Variants in CACNA1E observed in about 807,000 individuals in gnomAD.
The protein encoded by CACNA1E is calcium voltage-gated channel subunit alpha1 E, also known as voltage-dependent R-type calcium channel subunit alpha-1E.
CACNA1E carries 40 observed loss-of-function variants against 259.2 expected under a neutral mutation model. The observed-to-expected ratio is 0.15, with a 90% confidence interval of 0.12 to 0.20. The LOEUF is 0.20. CACNA1E is among the 10% of genes least tolerant of loss of function. The pLI, the probability that CACNA1E is intolerant of heterozygous loss-of-function variation, is 1.00. For missense variants in CACNA1E, 1,874 were observed against 3,040.1 expected, an observed-to-expected ratio of 0.62 and a Z score of 9.02; for synonymous variants, 1,104 against 1,138.5, an observed-to-expected ratio of 0.97 and a Z score of 0.61.
In CACNA1E at chr1:181,355,587, C is replaced by CAAACAAAACA. The variant is rs142997966; in HGVS notation, c.-15+37502_-15+37511dup. On this transcript the variant is annotated intron_variant, in intron 1 of 11. Transcript: ENST00000524607. ...TGGGTGACAGAGTGAGACTCCATCT[C>CAAACAAAACA]AAACAAAACAAAACAAAACAAAACA... is the stretch of plus-strand genomic sequence containing the variant. 1.0e-3 allele frequency among the ~76,000 whole-genome samples: 154 copies of CAAACAAAACA among 148,612 alleles called. 1 individual carries two copies. The highest frequency in any genetic ancestry group is 3.4e-3 in the African/African-American group (135 of 40,236).
intron 7 of CACNA1E, among the ~76,000 whole-genome samples, chr1:181,658,183 T>A (rs1360257860): frequency 6.6e-6 from 1 of 152,156 alleles, no homozygotes; most frequent in African/African-American, 2.4e-5. Context: ...CCAGCATAGG[T>A]TTGAGTTGTG....
In CACNA1E at chr1:181,718,511, C is replaced by T. The variant is rs534708118; in HGVS notation, c.1638+344C>T. On this transcript the variant is annotated intron_variant, in intron 12 of 47. Coordinates refer to ENST00000367573, the MANE Select transcript of CACNA1E (RefSeq NM_001205293.3). ...GGGGAAGCCTGAAAAGGACAAAGGA[C>T]TTGATTTTAGAGGTGGTTCCATAGG... Among the ~76,000 whole-genome samples the T allele has an allele frequency of 2.0e-5, 3 of 151,854 alleles. No homozygotes were observed. In the South Asian group the frequency reaches 6.3e-4, roughly 32 times the overall value.
At chr1:181,681,736 G>A (rs1649993739) in intron 7 of CACNA1E, among the ~76,000 whole-genome samples, 1 of 152,210 alleles carries the variant, frequency 6.6e-6, no homozygotes, top group African/African-American at 2.4e-5. Flanking sequence ...CCTACCAGCT[G>A]TGAGTAAGTT....
chr1:181,615,881 A>G (rs1431495041), intron 6 of CACNA1E, among the ~76,000 whole-genome samples: 1 of 152,188 alleles, frequency 6.6e-6, no homozygotes, highest in Non-Finnish European at 1.5e-5. Flanking sequence ...TTTTTTATAG[A>G]CACCCTTTTT....
chr1:181,478,993 A>T (rs1663050921), upstream of CACNA1E, among the ~76,000 whole-genome samples: 1 of 152,224 alleles, frequency 6.6e-6, no homozygotes, highest in Non-Finnish European at 1.5e-5. Flanking sequence ...TGCAGGATAA[A>T]TGCTTTGAAA....
At chr1:181,614,966 T>C (rs775977872) in intron 6 of CACNA1E, among the ~76,000 whole-genome samples, 4 of 152,178 alleles carry the variant, frequency 2.6e-5, no homozygotes, top group Non-Finnish European at 5.9e-5. Context: ...TGTTCAAGGA[T>C]CAGTTGTATG....
At chr1:181,770,577 C>G (rs1202062127) in intron 35 of CACNA1E, among the ~76,000 whole-genome samples, 1 of 152,200 alleles carries the variant, frequency 6.6e-6, no homozygotes, top group Non-Finnish European at 1.5e-5. Flanking sequence ...CCGACTTTCT[C>G]CATCCTATTG....
intron 6 of CACNA1E, among the ~76,000 whole-genome samples, chr1:181,642,674 C>T (rs1439707918): frequency 6.6e-6 from 1 of 152,196 alleles, no homozygotes; most frequent in African/African-American, 2.4e-5. Flanking sequence ...CACCACTGGG[C>T]ACGTTCTCTT....
chr1:181,634,848 C>T (rs1657061858), intron 6 of CACNA1E, among the ~76,000 whole-genome samples: 1 of 152,192 alleles, frequency 6.6e-6, no homozygotes, highest in Non-Finnish European at 1.5e-5. Context: ...TGGAGTAACC[C>T]ATCCCTGCTC....
chr1:181,411,890 G>A (rs540331414), intron 1 of CACNA1E, among the ~76,000 whole-genome samples: 8 of 152,366 alleles, frequency 5.3e-5, no homozygotes, highest in Admixed American at 3.3e-4. Context: ...GATTATAGGC[G>A]TGAGCCACTG....
intron 3 of CACNA1E, among the ~76,000 whole-genome samples, chr1:181,547,801 T>C (rs1257973707): frequency 2.6e-5 from 4 of 152,266 alleles, no homozygotes; most frequent in East Asian, 1.9e-4. Context: ...GTTCCACACA[T>C]TGAGCCCTTT....
At chr1:181,337,250 G>C (rs1188153249) in intron 1 of CACNA1E, among the ~76,000 whole-genome samples, 2 of 151,348 alleles carry the variant, frequency 1.3e-5, no homozygotes, top group East Asian at 1.9e-4. Flanking sequence ...CCTCCTCCCA[G>C]GTTCACGCCA....
chr1:181,498,100 C>A (rs2102548232), intron 1 of CACNA1E, among the ~76,000 whole-genome samples: 1 of 152,300 alleles, frequency 6.6e-6, no homozygotes. Flanking sequence ...TCAGAGAAGT[C>A]TACCCTCAGT....
At chr1:181,558,891 T>C (rs1226043036) in intron 3 of CACNA1E, among the ~76,000 whole-genome samples, 1 of 152,072 alleles carries the variant, frequency 6.6e-6, no homozygotes, top group Non-Finnish European at 1.5e-5. Flanking sequence ...GAAATGAAAC[T>C]GTTAATAGAG....
chr1:181,647,864 G>T (rs1658430431), intron 6 of CACNA1E, among the ~76,000 whole-genome samples: 2 of 152,184 alleles, frequency 1.3e-5, no homozygotes, highest in South Asian at 4.1e-4. Context: ...AGTTGGCCAG[G>T]AAGAATGAAA....
intron 1 of CACNA1E, among the ~76,000 whole-genome samples, chr1:181,358,767 T>A (rs898622493): frequency 7.2e-5 from 11 of 152,190 alleles, no homozygotes; most frequent in African/African-American, 2.7e-4. Context: ...TAAACTGTCC[T>A]CCCTCAGAAG....
At chr1:181,360,815 A>G (rs1258856931) in intron 1 of CACNA1E, among the ~76,000 whole-genome samples, 1 of 152,084 alleles carries the variant, frequency 6.6e-6, no homozygotes, top group Non-Finnish European at 1.5e-5. Context: ...ATATTTCTGG[A>G]CACCCTTTAC....
In CACNA1E at chr1:181,798,953, T is replaced by C; in HGVS notation, c.*119T>C. ...GGAAAAGGAAGATGGAAGGACACCA[T>C]GCATTATCAGAGAAGAGGAAGTAAA... On this transcript the variant is annotated 3_prime_UTR_variant, in exon 48 of 48. Transcript: ENST00000367573. The surrounding 1 kb of genome is among the most constrained non-coding windows in gnomAD (Gnocchi z 4.2). The C allele has an allele frequency of 2.3e-6, 2 of 869,964 alleles. No individual in the cohort carries two copies. The highest frequency in any genetic ancestry group is 1.7e-6 in the Non-Finnish European group (1 of 602,524). The allele number at this position is 869,964 out of a possible 1,614,324, so 53.9% of individuals were successfully genotyped here. A position where few individuals can be genotyped will look rare whatever the true frequency, so the allele number is the denominator to read the frequency against.
intron 2 of CACNA1E, among the ~76,000 whole-genome samples, chr1:181,429,912 T>C (rs1431552405): frequency 6.6e-6 from 1 of 152,230 alleles, no homozygotes; most frequent in African/African-American, 2.4e-5. Flanking sequence ...TAAGAACCAT[T>C]GATTGAGACC....
Sources: gnomAD v4.1 joint callset for allele counts (sites outside exome capture counted in the v4.1 genomes callset) on GRCh38, gnomAD v4.1.1 for gene constraint, Gnocchi (gnomAD v3.1) non-coding constraint, MANE v1.5 for transcripts, NCBI Gene and HGNC (gene_info 2026-07-23, HGNC 2026-07-21) for gene names.